The following DLG2 variants were observed in gnomAD, a reference collection of about 807,000 sequenced individuals.
DLG2 encodes discs large MAGUK scaffold protein 2.
Under a neutral mutation model 132.5 loss-of-function variants are expected in DLG2, and 45 were observed. The ratio of observed to expected loss-of-function variants is 0.34; its 90% CI spans 0.27 to 0.44. The LOEUF is 0.44. Ranked by LOEUF, DLG2 falls within the 20% of genes least tolerant of loss-of-function variation. DLG2 has a pLI of 1.00. For synonymous variants in DLG2, 424 were observed against 419.6 expected, an observed-to-expected ratio of 1.01 and a Z score of -0.13; for missense variants, 1,045 against 1,196.9, an observed-to-expected ratio of 0.87 and a Z score of 1.87.
chr11:85,594,054 G>A (rs2079557570), intron 3 of DLG2, among the ~76,000 whole-genome samples: 1 of 152,058 alleles, frequency 6.6e-6, no homozygotes, highest in Non-Finnish European at 1.5e-5. Context: ...AATTATTAAA[G>A]GTCCACATTA....
At chr11:83,868,223 A>C (rs1436016366) in intron 16 of DLG2, among the ~76,000 whole-genome samples, 1 of 152,174 alleles carries the variant, frequency 6.6e-6, no homozygotes, top group Non-Finnish European at 1.5e-5. Flanking sequence ...AGTCCTTCCA[A>C]ACAGTTAAGA....
chr11:85,239,984 T>C (rs2075797169), intron 4 of DLG2, among the ~76,000 whole-genome samples: 1 of 151,952 alleles, frequency 6.6e-6, no homozygotes. Flanking sequence ...CCAAACTAAC[T>C]TGTTAACTTG....
intron 21 of DLG2, among the ~76,000 whole-genome samples, chr11:83,496,900 G>A (rs1177398706): frequency 2.0e-5 from 3 of 152,244 alleles, no homozygotes; most frequent in African/African-American, 7.2e-5. Flanking sequence ...CTCAGGAGGT[G>A]GTTTTAGAAA....
intron 17 of DLG2, among the ~76,000 whole-genome samples, chr11:83,820,353 T>C (rs2050417130): frequency 6.6e-6 from 1 of 152,200 alleles, no homozygotes; most frequent in South Asian, 2.1e-4. Context: ...AAAGTTGTTA[T>C]TATAATAATA....
At chr11:84,501,288 G>T (rs908029556) in intron 7 of DLG2, among the ~76,000 whole-genome samples, 3 of 152,224 alleles carry the variant, frequency 2.0e-5, no homozygotes, top group African/African-American at 7.2e-5. Context: ...TAGTAGGCCA[G>T]GCTCAGTGGC....
At chr11:85,234,889 A>C (rs1265163931) in intron 4 of DLG2, among the ~76,000 whole-genome samples, 3 of 151,910 alleles carry the variant, frequency 2.0e-5, no homozygotes, top group Admixed American at 6.6e-5. Flanking sequence ...ATCAAGAGGG[A>C]CAAAAATCAC....
At chr11:85,089,261 T>C (rs1412033544) in intron 6 of DLG2, among the ~76,000 whole-genome samples, 1 of 152,132 alleles carries the variant, frequency 6.6e-6, no homozygotes, top group Non-Finnish European at 1.5e-5. Flanking sequence ...CAATAGGTAG[T>C]TTTCCAAGCC....
intron 8 of DLG2, among the ~76,000 whole-genome samples, chr11:84,184,843 C>T (rs12796815): frequency 6.6e-6 from 1 of 151,940 alleles, no homozygotes; most frequent in Non-Finnish European, 1.5e-5. Context: ...TTCCCCATTG[C>T]TTGTTTTTCT....
At chr11:84,545,453 AC>A in intron 6 of DLG2, 1 of 431,270 alleles carries the variant, frequency 2.3e-6, no homozygotes, top group East Asian at 6.0e-5. Flanking sequence ...CATAGTTCAT[AC>A]CAAAACCACC....
At chr11:84,781,716 A>G (rs2071811140) in intron 6 of DLG2, among the ~76,000 whole-genome samples, 1 of 152,164 alleles carries the variant, frequency 6.6e-6, no homozygotes, top group Non-Finnish European at 1.5e-5. Context: ...ATGATTTTAA[A>G]GAATATTCAT....
intron 6 of DLG2, among the ~76,000 whole-genome samples, chr11:84,777,301 A>ATATATATATATATATT (rs2070794007): frequency 7.6e-6 from 1 of 131,188 alleles, no homozygotes; most frequent in African/African-American, 2.8e-5. Context: ...ATATATATAT[A>ATATATATATATATATT]TATATATATA....
intron 3 of DLG2, among the ~76,000 whole-genome samples, chr11:85,302,916 T>A (rs1355644080): frequency 2.6e-5 from 4 of 152,242 alleles, no homozygotes; most frequent in Non-Finnish European, 5.9e-5. Flanking sequence ...ACCTTGCAAC[T>A]ACCTATGAAG....
intron 6 of DLG2, among the ~76,000 whole-genome samples, chr11:84,726,627 C>T (rs1288322844): frequency 2.0e-5 from 3 of 151,984 alleles, no homozygotes; most frequent in Admixed American, 2.0e-4. Flanking sequence ...GGGTATACAC[C>T]CAGTAATGAG....
At chr11:84,033,376 G>C (rs1268758473) in intron 11 of DLG2, among the ~76,000 whole-genome samples, 1 of 152,168 alleles carries the variant, frequency 6.6e-6, no homozygotes, top group African/African-American at 2.4e-5. Context: ...TGCAGATGTA[G>C]TGGAAACAGC....
intron 7 of DLG2, among the ~76,000 whole-genome samples, chr11:84,447,098 T>C (rs1160256678): frequency 6.6e-6 from 1 of 151,454 alleles, no homozygotes; most frequent in Non-Finnish European, 1.5e-5. Context: ...CTAATTAAAA[T>C]GTTAGTCAAA....
At chr11:85,504,106 A>G (rs557155538) in intron 3 of DLG2, among the ~76,000 whole-genome samples, 28 of 152,086 alleles carry the variant, frequency 1.8e-4, no homozygotes, top group Non-Finnish European at 3.7e-4. Context: ...TAGATTCTGG[A>G]TATTAGCTCT....
At chr11:83,945,400 C>G (rs771543402) in intron 14 of DLG2, among the ~76,000 whole-genome samples, 48 of 152,118 alleles carry the variant, frequency 3.2e-4, no homozygotes, top group Admixed American at 2.2e-3. Context: ...ATTCCCTTGC[C>G]TCAGTAGAGA....
intron 8 of DLG2, among the ~76,000 whole-genome samples, chr11:84,217,492 G>C (rs551432026): frequency 1.2e-4 from 18 of 152,270 alleles, no homozygotes; most frequent in Non-Finnish European, 1.8e-4. Flanking sequence ...CATGGAACTT[G>C]TGAGTCCATT....
chr11:85,030,990 T>C (rs2060953272), intron 6 of DLG2, among the ~76,000 whole-genome samples: 1 of 152,030 alleles, frequency 6.6e-6, no homozygotes, highest in Admixed American at 6.5e-5. Flanking sequence ...GAAGTACATG[T>C]GCAGGTTTGT....
Sources: gnomAD v4.1 joint callset for allele counts (sites outside exome capture counted in the v4.1 genomes callset) on GRCh38, gnomAD v4.1.1 for gene constraint, MANE v1.5 for transcripts, NCBI Gene and HGNC (gene_info 2026-07-23, HGNC 2026-07-21) for gene names.